The following ITGA11 variants were observed in gnomAD, a reference collection of about 807,000 sequenced individuals.
The protein encoded by ITGA11 is integrin subunit alpha 11, also known as integrin alpha-11.
A neutral mutation model predicts 141.9 loss-of-function variants in ITGA11; 97 were observed. The ratio of observed to expected loss-of-function variants is 0.68; its 90% confidence interval spans 0.58 to 0.81. The LOEUF (loss-of-function observed/expected upper bound fraction) is 0.81, where lower values mean the gene tolerates loss of function less well. Ranked by LOEUF, ITGA11 falls within the 30% of genes least tolerant of loss-of-function variation. The probability of loss-of-function intolerance (pLI) is 0.00; values close to 1 mark genes in which losing one functional copy is unlikely to be tolerated. For missense variants in ITGA11, 1,387 were observed against 1,559.2 expected (o/e 0.89, Z 1.86); for synonymous variants, 658 against 624.6 (o/e 1.05, Z -0.80).
chr15:68,312,582 C>G (rs1177290778), intron 24 of ITGA11, among the ~76,000 whole-genome samples, 191 bp downstream of exon 24: 1 of 152,198 alleles, frequency 6.6e-6, no homozygotes, highest in Non-Finnish European at 1.5e-5. Flanking sequence ...CCACTGCAGT[C>G]CAGTTGTTTT....
chr15:68,318,419 C>T (rs978699417), intron 20 of ITGA11, among the ~76,000 whole-genome samples: 2 of 152,146 alleles, frequency 1.3e-5, no homozygotes, highest in African/African-American at 4.8e-5. Flanking sequence ...CTCCGTATAC[C>T]TGAAATCCAG....
Position 68,339,563 on chromosome 15 carries a change from G to T in ITGA11, c.1213C>A (p.Pro405Thr), listed in dbSNP as rs1567135598. Reference sequence around the variant, plus strand: ...TCTTTCAGGTAGGACTCGCGGAGAGGAATGACCTTCCCGGCACTCGTCTCC... The same window carrying T: ...TCTTTCAGGTAGGACTCGCGGAGAGTAATGACCTTCCCGGCACTCGTCTCC... ...LKETSAGKVI[P>T]LRESYLKEFP... is the part of the protein sequence containing the mutation. Residue 405 changes from proline to threonine, a missense_variant, in exon 11 of 30, where the codon CCT becomes ACT. By Grantham distance (38) the Pro-to-Thr change is conservative. Transcript: ENST00000315757. 6.2e-7 allele frequency: 1 copy of T among 1,613,970 alleles called. No individual in the cohort carries two copies. The highest frequency in any genetic ancestry group is 2.2e-5 in the East Asian group (1 of 44,880).
At position 68,358,471 on chromosome 15, in the gene ITGA11, G is replaced by A. The variant is rs566873983; in HGVS notation, c.587C>T (p.Pro196Leu). 1 of 1,611,016 alleles carries A rather than the reference G, an allele frequency of 6.2e-7. No homozygotes were observed. Among genetic ancestry groups the A allele is most frequent in the African/African-American group, 1.3e-5 (1 of 75,036 alleles). Residue 196 changes from proline (P) to leucine (L), a missense_variant, in exon 6 of 30, where the codon CCA (proline) becomes CTA (leucine). Transcript: ENST00000315757. ...AGAGATGCTCACCTGGATCTGCCCT[G>A]GGCCAATGTAAAACTTTTTCAGGAT... ...INILKKFYIG[P>L]GQIQVGVVQY...
rs973794227 is a variant in ITGA11, at chr15:68,322,090, C to T, written c.2323-587G>A. ...AGGTGGTGAAGTCCAGGAGGAAGGA[C>T]GGCCTGATGCAGGGGCCCTGGGGCA... On this transcript the variant is annotated intron_variant, in intron 18 of 29. Transcript: ENST00000315757. This position sits in a 1 kb window ranked among gnomAD's most constrained non-coding sequence, Gnocchi z 5.6. Among the ~76,000 whole-genome samples, 12 of 152,242 alleles carry T rather than the reference C, an allele frequency of 7.9e-5. No homozygotes were observed. Among genetic ancestry groups the T allele is most frequent in the African/African-American group, 2.4e-4 (10 of 41,518 alleles).
At chr15:68,417,433 C>T (rs1896913009) in intron 1 of ITGA11, among the ~76,000 whole-genome samples, 1 of 152,214 alleles carries the variant, frequency 6.6e-6, no homozygotes, top group South Asian at 2.1e-4. Context: ...CATACTTGGA[C>T]TAAGCCATCC....
intron 10 of ITGA11, among the ~76,000 whole-genome samples, chr15:68,340,043 T>C (rs1894510161): frequency 6.6e-6 from 1 of 152,128 alleles, no homozygotes; most frequent in African/African-American, 2.4e-5. Flanking sequence ...TTGCCCTTCT[T>C]TAATATTTCT....
Position 68,320,367 on chromosome 15 carries a change from T to C in ITGA11, c.2434A>G (p.Lys812Glu). ...TATGCGGAGCAGTCCTGCGCAGGCTTCCTCAGCACCCTCTGGCAGTACTCC... is the reference window on the plus strand; with the variant it reads ...TATGCGGAGCAGTCCTGCGCAGGCTCCCTCAGCACCCTCTGGCAGTACTCC... ...AMEYCQRVLR[K>E]PAQDCSAYTL... The change falls in exon 20 of 30, where the codon AAG (lysine) becomes GAG (glutamate). Residue 812 changes from lysine (K) to glutamate (E), a missense_variant. By Grantham distance (56) the Lys-to-Glu change is moderately conservative. Transcript: ENST00000315757. 6.2e-7 allele frequency: 1 copy of C among 1,601,686 alleles called. No homozygotes were observed. Among genetic ancestry groups the C allele is most frequent in the Non-Finnish European group, 8.5e-7 (1 of 1,174,046 alleles).
rs897343321 is a variant in ITGA11 at position 68,331,454 on chromosome 15, G to A, written c.1771-343C>T. 2.6e-5 allele frequency among the ~76,000 whole-genome samples: 4 copies of A among 152,104 alleles called. No homozygotes were observed. In the South Asian group the frequency reaches 8.3e-4, roughly 32 times the overall value. Reference sequence around the variant, plus strand: ...GGCAAAAGAATGATCCTCAGGGGACGGGACCCGAGACGGGTTGGTTTTGAG... The same window carrying A: ...GGCAAAAGAATGATCCTCAGGGGACAGGACCCGAGACGGGTTGGTTTTGAG... On this transcript the variant is annotated intron_variant, in intron 14 of 29. Coordinates refer to ENST00000315757, the MANE Select transcript of ITGA11 (RefSeq NM_001004439.2).
At chr15:68,385,667 T>G (rs1054672779) in intron 2 of ITGA11, among the ~76,000 whole-genome samples, 2 of 152,206 alleles carry the variant, frequency 1.3e-5, no homozygotes, top group African/African-American at 4.8e-5. Flanking sequence ...GTGGGTGAAC[T>G]GACCCTTGGG....
Position 68,325,773 on chromosome 15 carries a change from T to A in ITGA11, c.2212-532A>T, listed in dbSNP as rs914823167. Among the ~76,000 whole-genome samples, 1 of 152,152 alleles carries A rather than the reference T, an allele frequency of 6.6e-6. No homozygotes were observed. Among genetic ancestry groups the A allele is most frequent in the African/African-American group, 2.4e-5 (1 of 41,420 alleles). ...AGCAAGACAGGGGCGCTCAGGTTGG[T>A]TCTGAGCATAGATGGTAAGTAAAGG... On this transcript the variant is annotated intron_variant, in intron 17 of 29. Transcript: ENST00000315757. This position sits in a 1 kb window ranked among gnomAD's most constrained non-coding sequence, Gnocchi z 5.5.
chr15:68,431,552 C>T (rs1004631124), intron 1 of ITGA11, among the ~76,000 whole-genome samples: 3 of 152,210 alleles, frequency 2.0e-5, no homozygotes, highest in South Asian at 2.1e-4. Flanking sequence ...GCGCCCGGCT[C>T]TCCAAACTTT....
In ITGA11 at chr15:68,307,333, C is replaced by T; in HGVS notation, c.3381+15G>A. 3 of 1,542,772 alleles carry T rather than the reference C, an allele frequency of 1.9e-6. No individual in the cohort carries two copies. Among genetic ancestry groups the T allele is most frequent in the Non-Finnish European group, 2.6e-6 (3 of 1,138,726 alleles). On this transcript the variant is annotated intron_variant, in intron 28 of 29. Coordinates refer to ENST00000315757, the MANE Select transcript of ITGA11 (RefSeq NM_001004439.2). This position sits in a 1 kb window ranked among gnomAD's most constrained non-coding sequence, Gnocchi z 6.1. ...CCGGCCTAAGCCCAGTTCTGCAGGG[C>T]TCCCAGGGGCTCACCTGGCGGCTGG...
chr15:68,313,759 G>T lies in ITGA11; in HGVS notation c.2882+20C>A. The T allele has an allele frequency of 6.2e-7, 1 of 1,606,026 alleles. No homozygotes were observed. The highest frequency in any genetic ancestry group is 8.5e-7 in the Non-Finnish European group (1 of 1,174,110). On this transcript the variant is annotated intron_variant, in intron 23 of 29. Coordinates refer to ENST00000315757, the MANE Select transcript of ITGA11 (RefSeq NM_001004439.2). The stretch of plus-strand genomic sequence containing the variant: ...TTCCCCATGCCTTCCCTCTCCTGGG[G>T]CCCCCGGAGCCCGGCCCACCTGGTG...
At chr15:68,422,356 C>T (rs1252042161) in intron 1 of ITGA11, among the ~76,000 whole-genome samples, 4 of 152,114 alleles carry the variant, frequency 2.6e-5, no homozygotes, top group South Asian at 2.1e-4. Context: ...TTGGTGACAC[C>T]GTCCTTGGTC....
intron 21 of ITGA11, among the ~76,000 whole-genome samples, chr15:68,316,311 G>A (rs1426803231): frequency 6.6e-6 from 1 of 152,338 alleles, no homozygotes; most frequent in East Asian, 1.9e-4. Flanking sequence ...CTTGCCCTTC[G>A]CCCCGCGGTG....
intron 1 of ITGA11, among the ~76,000 whole-genome samples, chr15:68,407,400 A>G (rs1896673837): frequency 6.6e-6 from 1 of 152,198 alleles, no homozygotes; most frequent in Non-Finnish European, 1.5e-5. Context: ...TGGATTTCCT[A>G]AAAATGATGT....
Position 68,335,954 on chromosome 15 carries a change from G to A in ITGA11, c.1277-109C>T. On this transcript the variant is annotated intron_variant, in intron 11 of 29. Transcript: ENST00000315757. The surrounding 1 kb of genome is among the most constrained non-coding windows in gnomAD (Gnocchi z 4.9). ...AGAGGATGGGCCAGTGATGGGGTAGGTTCAGGGCTAGCTGAGCAGATTCAA... is the reference window on the plus strand; with the variant it reads ...AGAGGATGGGCCAGTGATGGGGTAGATTCAGGGCTAGCTGAGCAGATTCAA... The A allele has an allele frequency of 7.7e-7, 1 of 1,294,292 alleles. No individual in the cohort carries two copies. Among genetic ancestry groups the A allele is most frequent in the Non-Finnish European group, 1.1e-6 (1 of 934,326 alleles). 80.2% of individuals were successfully genotyped at this position (1,294,292 alleles called of 1,614,324 possible).
chr15:68,309,687 C>G (rs1314480537), intron 26 of ITGA11, among the ~76,000 whole-genome samples: 1 of 151,290 alleles, frequency 6.6e-6, no homozygotes, highest in Admixed American at 6.6e-5. Context: ...GTCTGCCTCC[C>G]AGGTTCAAGA....
In ITGA11 at chr15:68,413,323, G is replaced by A. The variant is rs1038657849; in HGVS notation, c.53-10294C>T. Among the ~76,000 whole-genome samples the A allele has an allele frequency of 2.0e-5, 3 of 152,184 alleles. No individual in the cohort carries two copies. In the East Asian group the frequency reaches 5.8e-4, roughly 29 times the overall value. On this transcript the variant is annotated intron_variant, in intron 1 of 29. Coordinates refer to ENST00000315757, the MANE Select transcript of ITGA11 (RefSeq NM_001004439.2). Reference sequence around the variant, plus strand: ...CCAGCCTCTCTTCATACTTATCTATGTTCACCACCACTCCTTCTGTGTTAG... The same window carrying A: ...CCAGCCTCTCTTCATACTTATCTATATTCACCACCACTCCTTCTGTGTTAG...
Sources: gnomAD v4.1 joint callset for allele counts (sites outside exome capture counted in the v4.1 genomes callset) on GRCh38, gnomAD v4.1.1 for gene constraint, Gnocchi (gnomAD v3.1) non-coding constraint, MANE v1.5 for transcripts, NCBI Gene and HGNC (gene_info 2026-07-23, HGNC 2026-07-21) for gene names.